Variants in KLHDC4 observed in about 807,000 individuals in gnomAD.
KLHDC4 encodes kelch domain containing 4, also known as kelch domain-containing protein 4.
Under a neutral mutation model 62.4 loss-of-function variants are expected in KLHDC4, and 90 were observed. That is an observed-to-expected ratio of 1.44 (90% CI 1.22 to 1.72). KLHDC4 has a LOEUF of 1.72. Ranked by LOEUF, KLHDC4 falls within the 40% of genes most tolerant of loss-of-function variation. The pLI, the probability that KLHDC4 is intolerant of heterozygous loss-of-function variation, is 0.00. For missense variants in KLHDC4, 1,025 were observed against 699.7 expected (o/e 1.47, Z -5.25); for synonymous variants, 386 against 284.4 (o/e 1.36, Z -3.59).
chr16:87,730,765 T>C, intron 5 of KLHDC4, 121 bp from the exon 6 acceptor site: 1 of 796,246 alleles, frequency 1.3e-6, no homozygotes, highest in Non-Finnish European at 2.1e-6. Flanking sequence ...CACTTACTGC[T>C]CACAAATTAA....
chr16:87,712,243 G>C (rs1006466282), intron 8 of KLHDC4, among the ~76,000 whole-genome samples: 1 of 152,098 alleles, frequency 6.6e-6, no homozygotes, highest in Admixed American at 6.5e-5. Context: ...ACTTCTAGGA[G>C]ACAGAATGGA....
exon 1 of KLHDC4, chr16:87,698,526 T>G (rs557079824): frequency 1.3e-5 from 2 of 152,214 alleles, no homozygotes; most frequent in Non-Finnish European, 2.9e-5. Context: ...CTGAGCGAAG[T>G]TGTGCAGAGA....
rs1201072908 is a variant in KLHDC4 at position 87,765,965 on chromosome 16, C to A, written c.-75G>T. 4.9e-6 allele frequency: 7 copies of A among 1,421,904 alleles called. No homozygotes were observed. The highest frequency in any genetic ancestry group is 5.8e-6 in the Non-Finnish European group (6 of 1,037,696). 88.1% of individuals were successfully genotyped at this position (1,421,904 alleles called of 1,614,324 possible). ...CGCTCTCCGCTCGGAAACAGGTGCTCGTGGGGCGGAGCTCGGCGCACAGAA... is the reference window on the plus strand; with the variant it reads ...CGCTCTCCGCTCGGAAACAGGTGCTAGTGGGGCGGAGCTCGGCGCACAGAA... On this transcript the variant is annotated 5_prime_UTR_variant, in exon 1 of 12. Transcript: ENST00000270583.
At chr16:87,761,889 C>T in intron 2 of KLHDC4, 60 bp downstream of exon 2, 1 of 1,507,302 alleles carries the variant, frequency 6.6e-7, no homozygotes, top group Non-Finnish European at 9.2e-7. Flanking sequence ...CTATTTAAAG[C>T]AGTTTTTCAA....
At chr16:87,736,752 G>A (rs1597200662) in intron 5 of KLHDC4, among the ~76,000 whole-genome samples, 2 of 152,226 alleles carry the variant, frequency 1.3e-5, no homozygotes, top group South Asian at 2.1e-4. Flanking sequence ...TTTATTCTAT[G>A]CCAGGCACAG....
chr16:87,762,130 T>G (rs985979891), intron 1 of KLHDC4, 90 bp from the exon 2 acceptor site: 3 of 1,569,402 alleles, frequency 1.9e-6, no homozygotes, highest in Non-Finnish European at 2.6e-6. Context: ...ATCAGTGTGA[T>G]TCGACTGGGC....
intron 2 of KLHDC4, among the ~76,000 whole-genome samples, chr16:87,757,638 C>T (rs1050051263): frequency 6.6e-6 from 1 of 151,886 alleles, no homozygotes; most frequent in African/African-American, 2.4e-5. Flanking sequence ...ACTTGTAATC[C>T]CAGCACTTTG....
In KLHDC4 at chr16:87,714,493, T is replaced by G. The variant is rs1213455513; in HGVS notation, c.835+5A>C. ...GCTCCCGCCCTGGAGGCACAGCACC[T>G]CTACCTTCTCTTCCGTCCTCTGGCT... On this transcript the variant is annotated splice_donor_5th_base_variant and intron_variant, in intron 8 of 11. Coordinates refer to ENST00000270583, the MANE Select transcript of KLHDC4 (RefSeq NM_017566.4). 1.2e-6 allele frequency: 2 copies of G among 1,613,610 alleles called. No individual in the cohort carries two copies.
chr16:87,718,907 C>G (rs2037653089), intron 7 of KLHDC4, among the ~76,000 whole-genome samples: 1 of 151,128 alleles, frequency 6.6e-6, no homozygotes, highest in South Asian at 2.1e-4. Flanking sequence ...AGTGTCTCTG[C>G]CCAGCCGCCA....
Position 87,755,186 on chromosome 16 carries a change from G to T in KLHDC4, c.369+8C>A. The T allele has an allele frequency of 6.3e-7, 1 of 1,591,348 alleles. No individual in the cohort carries two copies. Among genetic ancestry groups the T allele is most frequent in the South Asian group, 1.1e-5 (1 of 90,554 alleles). On this transcript the variant is annotated splice_region_variant and intron_variant, in intron 4 of 11. Coordinates refer to ENST00000270583, the MANE Select transcript of KLHDC4 (RefSeq NM_017566.4). ...GGGAGGGTGGCTGAGAGTCAGTGCT[G>T]ACATTACCTGGTGAGCACAGCGCCT...
chr16:87,761,826 A>T lies in KLHDC4; in HGVS notation c.191+123T>A, dbSNP rs1185088040. On this transcript the variant is annotated intron_variant, in intron 2 of 11. Transcript: ENST00000270583. The stretch of plus-strand genomic sequence containing the variant: ...TCTTCAGCAGAAAGTGACCAAGAAC[A>T]GGTTTTAATAATGAAAATGTCCCAA... 5 of 931,010 alleles carry T rather than the reference A, an allele frequency of 5.4e-6. No individual in the cohort carries two copies. In the South Asian group the frequency reaches 6.9e-5, roughly 13 times the overall value. The allele number at this position is 931,010 out of a possible 1,614,324, so 57.7% of individuals were successfully genotyped here.
downstream of KLHDC4, among the ~76,000 whole-genome samples, chr16:87,703,790 G>C (rs767339121): frequency 1.1e-4 from 16 of 152,222 alleles, no homozygotes; most frequent in Admixed American, 6.5e-5. Flanking sequence ...GTCAGCTTCC[G>C]GCAGGGACTG....
At chr16:87,732,656 T>G (rs2040590387) in intron 5 of KLHDC4, among the ~76,000 whole-genome samples, 1 of 152,248 alleles carries the variant, frequency 6.6e-6, no homozygotes, top group Non-Finnish European at 1.5e-5. Context: ...TCTATCAACT[T>G]GACAAAGATG....
intron 2 of KLHDC4, among the ~76,000 whole-genome samples, chr16:87,758,988 C>T (rs1176045392): frequency 6.6e-6 from 1 of 152,022 alleles, no homozygotes; most frequent in Non-Finnish European, 1.5e-5. Flanking sequence ...CCAGTCTGGC[C>T]AGCATGAGGA....
intron 4 of KLHDC4, chr16:87,750,869 A>G (rs2043823333): frequency 6.6e-6 from 1 of 152,280 alleles, no homozygotes; most frequent in Admixed American, 6.5e-5. Context: ...AGCACAGAGG[A>G]CTTACCTGTA....
Position 87,709,241 on chromosome 16 carries a change from G to A in KLHDC4, c.1447+24C>T. On this transcript the variant is annotated intron_variant, in intron 10 of 11. Transcript: ENST00000270583. Reference sequence around the variant, plus strand: ...CCGTGGGCTCTCGCTCCCGGGCACGGAGGCACCAAGCTGCCTGGCTCACCT... The same window carrying A: ...CCGTGGGCTCTCGCTCCCGGGCACGAAGGCACCAAGCTGCCTGGCTCACCT... 4 of 1,595,580 alleles carry A rather than the reference G, an allele frequency of 2.5e-6. No homozygotes were observed. The South Asian group carries it at 4.4e-5, about 18-fold the overall frequency.
chr16:87,736,375 A>T (rs2041311703), intron 5 of KLHDC4, among the ~76,000 whole-genome samples: 1 of 152,212 alleles, frequency 6.6e-6, no homozygotes, highest in Non-Finnish European at 1.5e-5. Context: ...GCCCGACAGC[A>T]GGACCACTGC....
intron 7 of KLHDC4, among the ~76,000 whole-genome samples, chr16:87,721,276 C>T (rs1404143936): frequency 6.6e-6 from 1 of 151,950 alleles, no homozygotes. Flanking sequence ...AAAAATTAGC[C>T]GGGTGTGGTG....
At chr16:87,752,838 C>A (rs1472178559) in intron 4 of KLHDC4, among the ~76,000 whole-genome samples, 2 of 152,208 alleles carry the variant, frequency 1.3e-5, no homozygotes, top group Non-Finnish European at 2.9e-5. Flanking sequence ...ACAGATAAAA[C>A]TTCTACTCCT....
Sources: allele counts gnomAD v4.1 joint callset (sites outside exome capture counted in the v4.1 genomes callset), GRCh38; gene constraint gnomAD v4.1.1; transcripts MANE v1.5; gene names NCBI Gene and HGNC (gene_info 2026-07-23, HGNC 2026-07-21).